The following MYO18B variants were observed in gnomAD, a reference collection of about 807,000 sequenced individuals.
The protein encoded by MYO18B is unconventional myosin-XVIIIb.
A neutral mutation model predicts 273.0 loss-of-function variants in MYO18B; 204 were observed. The ratio of observed to expected loss-of-function variants is 0.75; its 90% CI spans 0.67 to 0.84. The LOEUF (loss-of-function observed/expected upper bound fraction) is 0.84, where lower values mean the gene tolerates loss of function less well. Among genes scored for constraint, MYO18B ranks in the 40% least tolerant of loss-of-function variants. The pLI, the probability that MYO18B is intolerant of heterozygous loss-of-function variation, is 0.00. For synonymous variants in MYO18B, 1,330 were observed against 1,305.7 expected (o/e 1.02, Z -0.40); for missense variants, 3,212 against 3,287.6 (o/e 0.98, Z 0.56).
intron 42 of MYO18B, among the ~76,000 whole-genome samples, chr22:26,020,229 A>G (rs1223806435): frequency 6.6e-6 from 1 of 152,176 alleles, no homozygotes; most frequent in Non-Finnish European, 1.5e-5. Flanking sequence ...ATGCAGATAT[A>G]GGTGCCTCCT....
At chr22:25,993,733 G>T (rs550121050) in intron 40 of MYO18B, among the ~76,000 whole-genome samples, 11 of 152,244 alleles carry the variant, frequency 7.2e-5, no homozygotes, top group African/African-American at 2.4e-4. Flanking sequence ...ACTTGTGGGT[G>T]CGAGACAGGC....
At chr22:26,056,766 CTG>C in the MYO18B span, among the ~76,000 whole-genome samples, 1 of 152,176 alleles carries the variant, frequency 6.6e-6, no homozygotes, top group African/African-American at 2.4e-5. Context: ...AGGGAAGAAT[CTG>C]TGATTTGGGA....
rs534869563 is a variant in MYO18B at position 25,987,064 on chromosome 22, T to C, written c.6157-5299T>C. On this transcript the variant is annotated intron_variant, in intron 39 of 43. Transcript: ENST00000335473. The stretch of plus-strand genomic sequence containing the variant: ...AGTCTGATCTATAGTGTAAATTGTG[T>C]GGCACAGGTGAAATTAACTTTGGGG... 5.9e-5 allele frequency among the ~76,000 whole-genome samples: 9 copies of C among 152,316 alleles called. No homozygotes were observed. The East Asian group carries it at 1.5e-3, about 26-fold the overall frequency.
At chr22:26,009,324 C>T (rs1298710183) in intron 42 of MYO18B, among the ~76,000 whole-genome samples, 2 of 152,128 alleles carry the variant, frequency 1.3e-5, no homozygotes, top group Non-Finnish European at 2.9e-5. Context: ...CTAGTGTCAC[C>T]TCTGTCTCTT....
chr22:25,857,914 A>C (rs1421264706), intron 21 of MYO18B, among the ~76,000 whole-genome samples: 1 of 152,228 alleles, frequency 6.6e-6, no homozygotes, highest in African/African-American at 2.4e-5. Flanking sequence ...TGGTCTACCA[A>C]AGTGATGGGA....
intron 39 of MYO18B, among the ~76,000 whole-genome samples, chr22:25,988,106 C>G (rs2093221503): frequency 1.3e-5 from 2 of 151,852 alleles, no homozygotes; most frequent in Non-Finnish European, 2.9e-5. Context: ...TTGCCTCCCG[C>G]CCACTTCCTG....
chr22:25,881,391 C>T (rs1252530654), intron 25 of MYO18B, among the ~76,000 whole-genome samples: 1 of 152,260 alleles, frequency 6.6e-6, no homozygotes, highest in Admixed American at 6.5e-5. Flanking sequence ...AAATGACACA[C>T]ACGTGCCTGA....
chr22:25,786,070 A>G (rs2087373800), intron 11 of MYO18B, among the ~76,000 whole-genome samples: 5 of 152,156 alleles, frequency 3.3e-5, no homozygotes, highest in Admixed American at 6.5e-5. Flanking sequence ...CTGGTTTGAT[A>G]TTTTATTATT....
At chr22:25,973,369 T>C (rs2093055825) in intron 39 of MYO18B, among the ~76,000 whole-genome samples, 1 of 152,220 alleles carries the variant, frequency 6.6e-6, no homozygotes, top group Admixed American at 6.5e-5. Flanking sequence ...CTTAGAACCT[T>C]CAGACCATAG....
chr22:26,020,275 T>C (rs1322465864), intron 42 of MYO18B, among the ~76,000 whole-genome samples: 1 of 152,140 alleles, frequency 6.6e-6, no homozygotes, highest in African/African-American at 2.4e-5. Context: ...GAGCATCTGC[T>C]TCTGTGGCTG....
chr22:25,930,346 T>C (rs2227235), intron 34 of MYO18B, among the ~76,000 whole-genome samples: 22,486 of 151,624 alleles, frequency 0.15, 2,534 homozygotes, highest in African/African-American at 0.32. Flanking sequence ...TGAGTAAACA[T>C]AGTAAAAGAC....
intron 39 of MYO18B, among the ~76,000 whole-genome samples, chr22:25,978,099 A>G (rs1230199940): frequency 6.6e-6 from 1 of 152,254 alleles, no homozygotes; most frequent in Non-Finnish European, 1.5e-5. Flanking sequence ...AAGGCCGAGT[A>G]CAACCTTATT....
chr22:25,828,105 A>C (rs1006974136), intron 14 of MYO18B, among the ~76,000 whole-genome samples: 2 of 152,182 alleles, frequency 1.3e-5, no homozygotes, highest in African/African-American at 2.4e-5. Context: ...CCACATGGCA[A>C]ACTTTGCTTT....
intron 27 of MYO18B, chr22:25,892,775 C>G (rs893745973): frequency 2.0e-5 from 3 of 152,144 alleles, no homozygotes; most frequent in African/African-American, 7.2e-5. Context: ...CGAGACCCAA[C>G]AAGGTAGGGT....
At chr22:25,763,017 C>T in intron 2 of MYO18B, 1 of 736,664 alleles carries the variant, frequency 1.4e-6, no homozygotes, top group Non-Finnish European at 2.6e-6. Flanking sequence ...CCGCATAATT[C>T]CTGGCTGCCC....
intron 39 of MYO18B, among the ~76,000 whole-genome samples, chr22:25,986,086 A>G (rs751496653): frequency 2.4e-4 from 36 of 152,240 alleles, no homozygotes; most frequent in African/African-American, 8.0e-4. Context: ...TGGATGAAAC[A>G]GGAACAATTA....
intron 42 of MYO18B, among the ~76,000 whole-genome samples, chr22:26,016,045 C>G (rs5997022): frequency 0.089 from 13,580 of 152,208 alleles, 831 homozygotes; most frequent in African/African-American, 0.17. Flanking sequence ...TCATGGGGAA[C>G]TGGGTGCTTT....
the MYO18B span, among the ~76,000 whole-genome samples, chr22:26,038,170 A>G: frequency 1.3e-5 from 2 of 152,238 alleles, no homozygotes; most frequent in African/African-American, 4.8e-5. Context: ...TGATTTGAGG[A>G]TAATTCAGTC....
chr22:25,843,700 G>A (rs776456331), intron 17 of MYO18B, 35 bp from the exon 18 acceptor site: 69 of 1,589,986 alleles, frequency 4.3e-5, no homozygotes, highest in Non-Finnish European at 5.7e-5. Context: ...GTCCTCAACA[G>A]GCTCCAGCAC....
Sources: gnomAD v4.1 joint callset for allele counts (sites outside exome capture counted in the v4.1 genomes callset) on GRCh38, gnomAD v4.1.1 for gene constraint, MANE v1.5 for transcripts, NCBI Gene and HGNC (gene_info 2026-07-23, HGNC 2026-07-21) for gene names.